The following CBFA2T2 variants were observed in gnomAD, a reference collection of about 807,000 sequenced individuals.
CBFA2T2 encodes protein CBFA2T2.
CBFA2T2 carries 11 observed loss-of-function variants against 62.2 expected under a neutral mutation model. The ratio of observed to expected loss-of-function variants is 0.18; its 90% CI spans 0.11 to 0.29. The LOEUF (loss-of-function observed/expected upper bound fraction) is 0.29, where lower values mean the gene tolerates loss of function less well. Ranked by LOEUF, CBFA2T2 falls within the 10% of genes least tolerant of loss-of-function variation. The probability of loss-of-function intolerance (pLI) is 1.00; values close to 1 mark genes in which losing one functional copy is unlikely to be tolerated. For missense variants in CBFA2T2, 592 were observed against 774.1 expected, an observed-to-expected ratio of 0.76 and a Z score of 2.79; for synonymous variants, 295 against 287.5, an observed-to-expected ratio of 1.03 and a Z score of -0.27.
At chr20:33,617,736 T>C (rs1433037816) in intron 3 of CBFA2T2, among the ~76,000 whole-genome samples, 2 of 152,264 alleles carry the variant, frequency 1.3e-5, no homozygotes, top group East Asian at 3.8e-4. Flanking sequence ...AAATGTCATA[T>C]ACTTAAAACA....
At chr20:33,571,620 C>T (rs1340880457) in intron 1 of CBFA2T2, among the ~76,000 whole-genome samples, 6 of 152,106 alleles carry the variant, frequency 3.9e-5, no homozygotes, top group Non-Finnish European at 5.9e-5. Flanking sequence ...CTATTAATTT[C>T]GATTTACCAA....
chr20:33,514,735 T>C (rs2011571008), intron 1 of CBFA2T2, among the ~76,000 whole-genome samples: 1 of 152,016 alleles, frequency 6.6e-6, no homozygotes. Flanking sequence ...TCTTGCTCTG[T>C]CCTATAGGCT....
At position 33,573,871 on chromosome 20, in the gene CBFA2T2, C is replaced by A. The variant is rs115254570; in HGVS notation, c.35-33085C>A. 3.4e-3 allele frequency: 849 copies of A among 252,026 alleles called. 6 individuals carry two copies. Among genetic ancestry groups the A allele is most frequent in the African/African-American group, 0.018 (794 of 43,200 alleles). The allele number at this position is 252,026 out of a possible 1,614,324, so 15.6% of individuals were successfully genotyped here. A position where few individuals can be genotyped will look rare whatever the true frequency, so the allele number is the denominator to read the frequency against. ...TCATGGCTCACTGCAGCCTTGACTT[C>A]ATGGGCTCAGGTAGTTGTCCCACCT... On this transcript the variant is annotated intron_variant, in intron 1 of 10. Coordinates refer to ENST00000342704, the MANE Select transcript of CBFA2T2 (RefSeq NM_001032999.3).
At chr20:33,537,960 G>T (rs1395251709) in intron 1 of CBFA2T2, among the ~76,000 whole-genome samples, 1 of 150,320 alleles carries the variant, frequency 6.7e-6, no homozygotes, top group Non-Finnish European at 1.5e-5. Context: ...TAGGTTCTTT[G>T]CATTTCCAAA....
intron 1 of CBFA2T2, among the ~76,000 whole-genome samples, chr20:33,578,388 A>T (rs549571789): frequency 2.0e-5 from 3 of 152,306 alleles, no homozygotes; most frequent in African/African-American, 7.2e-5. Flanking sequence ...TGGAAATGAG[A>T]AGATGATTTC....
At chr20:33,595,576 G>A (rs1054547189) in intron 1 of CBFA2T2, among the ~76,000 whole-genome samples, 6 of 150,404 alleles carry the variant, frequency 4.0e-5, no homozygotes, top group African/African-American at 1.5e-4. Flanking sequence ...TTTTGAGAGC[G>A]GGCCTTGCTC....
At chr20:33,545,833 A>G (rs1016489090) in intron 1 of CBFA2T2, among the ~76,000 whole-genome samples, 3 of 152,244 alleles carry the variant, frequency 2.0e-5, no homozygotes, top group Admixed American at 6.5e-5. Flanking sequence ...AAAATCAAAT[A>G]TGGAAGACTT....
chr20:33,624,866 T>A lies in CBFA2T2; in HGVS notation c.795T>A (p.Thr265=). ...CTCCTCGGCACAGTCCTGCTCTCAC[T>A]GTGCCCCTCATGAATCCCGGGGGCC... ...SPAPRHSPAL[T]VPLMNPGGQF... is the part of the protein sequence containing the mutation. The change falls in exon 6 of 11, where the codon ACT becomes ACA. Residue 265 remains threonine (T), a synonymous_variant. Coordinates refer to ENST00000342704, the MANE Select transcript of CBFA2T2 (RefSeq NM_001032999.3). The A allele has an allele frequency of 6.2e-7, 1 of 1,614,200 alleles. No homozygotes were observed. The highest frequency in any genetic ancestry group is 8.5e-7 in the Non-Finnish European group (1 of 1,180,042).
intron 1 of CBFA2T2, among the ~76,000 whole-genome samples, chr20:33,532,685 T>C (rs2012095618): frequency 6.6e-6 from 1 of 152,240 alleles, no homozygotes; most frequent in Non-Finnish European, 1.5e-5. Flanking sequence ...TGTGAGAGGA[T>C]GTATCTTGTC....
At chr20:33,620,985 G>A (rs576989377) in intron 4 of CBFA2T2, among the ~76,000 whole-genome samples, 2 of 152,268 alleles carry the variant, frequency 1.3e-5, no homozygotes, top group African/African-American at 2.4e-5. Flanking sequence ...AAAAACTTGG[G>A]AGGGAGCATA....
chr20:33,623,585 G>GTT (rs1380800750), intron 5 of CBFA2T2, among the ~76,000 whole-genome samples: 1 of 151,708 alleles, frequency 6.6e-6, no homozygotes, highest in African/African-American at 2.4e-5. Context: ...TTGTTTGTTT[G>GTT]TTTGTTTGTT....
At chr20:33,561,002 C>G (rs754599101) in intron 1 of CBFA2T2, among the ~76,000 whole-genome samples, 2 of 152,024 alleles carry the variant, frequency 1.3e-5, no homozygotes, top group South Asian at 4.2e-4. Flanking sequence ...CTCAGCCTCC[C>G]GAGTAGCTGG....
rs142926982 is a variant in CBFA2T2 at position 33,630,532 on chromosome 20, A to G, written c.1228+618A>G. 2.0e-5 allele frequency among the ~76,000 whole-genome samples: 3 copies of G among 152,226 alleles called. No homozygotes were observed. The East Asian group carries it at 5.8e-4, about 29-fold the overall frequency. ...CCACCATGGCCTGGTGGCCTCCTAC[A>G]AAAGGTTTTACCATACCACGCTGGG... On this transcript the variant is annotated intron_variant, in intron 8 of 10. Coordinates refer to ENST00000342704, the MANE Select transcript of CBFA2T2 (RefSeq NM_001032999.3).
At chr20:33,545,390 G>A (rs1280488613) in intron 1 of CBFA2T2, among the ~76,000 whole-genome samples, 1 of 151,308 alleles carries the variant, frequency 6.6e-6, no homozygotes, top group Non-Finnish European at 1.5e-5. Context: ...GATTGTTAGT[G>A]GGATTCCCAA....
chr20:33,632,177 G>A (rs939051747), intron 8 of CBFA2T2, among the ~76,000 whole-genome samples: 1 of 152,060 alleles, frequency 6.6e-6, no homozygotes, highest in African/African-American at 2.4e-5. Flanking sequence ...CTGAGTAGCT[G>A]GGATTACAGG....
At chr20:33,535,068 AGT>A (rs2035939211) in intron 1 of CBFA2T2, among the ~76,000 whole-genome samples, 1 of 152,234 alleles carries the variant, frequency 6.6e-6, no homozygotes, top group Admixed American at 6.5e-5. Flanking sequence ...AGTACAATAA[AGT>A]GAAACACAGT....
At chr20:33,630,116 GT>G (rs1261127679) in intron 8 of CBFA2T2, among the ~76,000 whole-genome samples, 1 of 151,928 alleles carries the variant, frequency 6.6e-6, no homozygotes, top group Non-Finnish European at 1.5e-5. Context: ...CAGGAAGGGG[GT>G]TTTTTTGTTT....
At chr20:33,518,894 T>A (rs2011653734) in intron 1 of CBFA2T2, among the ~76,000 whole-genome samples, 1 of 152,032 alleles carries the variant, frequency 6.6e-6, no homozygotes, top group African/African-American at 2.4e-5. Context: ...CGATCTTGGC[T>A]GACTGCAACC....
At chr20:33,500,736 T>A (rs1568786858) in intron 1 of CBFA2T2, among the ~76,000 whole-genome samples, 4 of 151,878 alleles carry the variant, frequency 2.6e-5, no homozygotes, top group Non-Finnish European at 1.5e-5. Context: ...TTTAAAAATT[T>A]AAAAAAGTCC....
Sources: allele counts gnomAD v4.1 joint callset (sites outside exome capture counted in the v4.1 genomes callset), GRCh38; gene constraint gnomAD v4.1.1; transcripts MANE v1.5; gene names NCBI Gene and HGNC (gene_info 2026-07-23, HGNC 2026-07-21).